SKAP1: variants seen among roughly 807,000 people sequenced by gnomAD.
SKAP1 encodes the protein src kinase-associated phosphoprotein 1.
Under a neutral mutation model 58.5 loss-of-function variants are expected in SKAP1, and 44 were observed. That is an observed-to-expected ratio of 0.75 (90% CI 0.59 to 0.97). SKAP1 has a LOEUF of 0.97. Ranked by LOEUF, SKAP1 falls within the 50% of genes least tolerant of loss-of-function variation. SKAP1 has a pLI of 0.00. For synonymous variants in SKAP1, 127 were observed against 149.7 expected (o/e 0.85, Z 1.11); for missense variants, 390 against 435.2 (o/e 0.90, Z 0.92).
chr17:48,238,174 A>G (rs1430798543), intron 4 of SKAP1, among the ~76,000 whole-genome samples: 2 of 151,950 alleles, frequency 1.3e-5, no homozygotes, highest in Non-Finnish European at 2.9e-5. Flanking sequence ...TTGTATTTTT[A>G]GTAGAGACAT....
chr17:48,403,739 C>T (rs532358516), intron 1 of SKAP1, among the ~76,000 whole-genome samples: 1 of 152,214 alleles, frequency 6.6e-6, no homozygotes, highest in South Asian at 2.1e-4. Context: ...AGTATATGTT[C>T]TGATCCACAA....
chr17:48,220,669 C>T (rs575631594), intron 4 of SKAP1, among the ~76,000 whole-genome samples: 34 of 151,032 alleles, frequency 2.3e-4, no homozygotes, highest in African/African-American at 8.3e-4. Flanking sequence ...CCAGCATGGC[C>T]AACATGGTGG....
At chr17:48,430,225 C>G, upstream of SKAP1, 2 of 603,352 alleles carry the variant, frequency 3.3e-6, no homozygotes, top group Non-Finnish European at 4.3e-6. Context: ...ACCTCAGCCG[C>G]GGTCGCCGCC....
intron 4 of SKAP1, among the ~76,000 whole-genome samples, chr17:48,324,655 A>G (rs768968427): frequency 7.2e-5 from 11 of 152,104 alleles, no homozygotes; most frequent in South Asian, 2.1e-4. Flanking sequence ...GTTGCATGGT[A>G]GTAGCTCAGG....
At chr17:48,266,425 C>A (rs1351641915) in intron 4 of SKAP1, among the ~76,000 whole-genome samples, 1 of 151,948 alleles carries the variant, frequency 6.6e-6, no homozygotes, top group Non-Finnish European at 1.5e-5. Flanking sequence ...CTATTGAAAC[C>A]GTTAGTTCAA....
At chr17:48,185,539 A>G (rs773754672) in intron 6 of SKAP1, among the ~76,000 whole-genome samples, 1 of 152,192 alleles carries the variant, frequency 6.6e-6, no homozygotes, top group African/African-American at 2.4e-5. Context: ...ACAGAAAAAG[A>G]GGAGGTGACT....
At chr17:48,321,538 C>T (rs1312440857) in intron 4 of SKAP1, among the ~76,000 whole-genome samples, 1 of 152,022 alleles carries the variant, frequency 6.6e-6, no homozygotes, top group South Asian at 2.1e-4. Flanking sequence ...CCGCCACGCC[C>T]GGCTAATTTT....
At chr17:48,259,521 A>C (rs2065463751) in intron 4 of SKAP1, among the ~76,000 whole-genome samples, 1 of 152,170 alleles carries the variant, frequency 6.6e-6, no homozygotes, top group African/African-American at 2.4e-5. Context: ...TCATGAATGC[A>C]TTATATAATG....
chr17:48,347,534 C>T (rs1509637), intron 3 of SKAP1, among the ~76,000 whole-genome samples: 4,290 of 152,098 alleles, frequency 0.028, 104 homozygotes, highest in Non-Finnish European at 0.041. Flanking sequence ...GGTAGATGTC[C>T]ATAACTGAGT....
intron 4 of SKAP1, among the ~76,000 whole-genome samples, chr17:48,290,355 T>G (rs2065884659): frequency 6.6e-6 from 1 of 152,202 alleles, no homozygotes; most frequent in Non-Finnish European, 1.5e-5. Flanking sequence ...AAGCCAATAA[T>G]CTAAGCTTAC....
chr17:48,405,418 T>C (rs527956437), intron 1 of SKAP1, among the ~76,000 whole-genome samples: 2 of 79,442 alleles, frequency 2.5e-5, no homozygotes, highest in African/African-American at 1.0e-4. Flanking sequence ...TCTTTCTTTC[T>C]TTCTTTCTTT....
At chr17:48,156,453 C>T (rs749572635) in intron 11 of SKAP1, 8 of 528,378 alleles carry the variant, frequency 1.5e-5, no homozygotes, top group Non-Finnish European at 3.1e-5. Context: ...AATCTGGAGC[C>T]ACTGAAGAGC....
At chr17:48,280,289 G>T (rs1331969536) in intron 4 of SKAP1, among the ~76,000 whole-genome samples, 1 of 152,094 alleles carries the variant, frequency 6.6e-6, no homozygotes, top group Non-Finnish European at 1.5e-5. Flanking sequence ...GTACAACATG[G>T]TGAAACGCCG....
At chr17:48,212,870 G>C (rs1459618445) in intron 4 of SKAP1, among the ~76,000 whole-genome samples, 1 of 152,182 alleles carries the variant, frequency 6.6e-6, no homozygotes, top group African/African-American at 2.4e-5. Flanking sequence ...GGAGACGAAG[G>C]TGACCTGGTG....
At chr17:48,261,883 G>A (rs1469282780) in intron 4 of SKAP1, among the ~76,000 whole-genome samples, 3 of 151,896 alleles carry the variant, frequency 2.0e-5, no homozygotes, top group Non-Finnish European at 2.9e-5. Flanking sequence ...TCCCCTGAGA[G>A]AGAAAAATCT....
At chr17:48,343,138 G>A (rs887705907) in intron 4 of SKAP1, among the ~76,000 whole-genome samples, 1 of 152,110 alleles carries the variant, frequency 6.6e-6, no homozygotes, top group South Asian at 2.1e-4. Flanking sequence ...GGCAGGGACT[G>A]TATCTGCTTT....
rs929203237 is a variant in SKAP1, at chr17:48,336,791, T to C, written c.280+9114A>G. Among the ~76,000 whole-genome samples the C allele has an allele frequency of 2.6e-5, 4 of 152,180 alleles. No individual in the cohort carries two copies. In the East Asian group the frequency reaches 7.7e-4, roughly 29 times the overall value. ...ATTTTTTTCCCCTAAGCTCTGACAA[T>C]CTCTAGGTTCAACTGTATTCTTGGG... On this transcript the variant is annotated intron_variant, in intron 4 of 12. Coordinates refer to ENST00000336915, the MANE Select transcript of SKAP1 (RefSeq NM_003726.4).
chr17:48,300,628 GA>G (rs1343286208), intron 4 of SKAP1, among the ~76,000 whole-genome samples: 1 of 152,146 alleles, frequency 6.6e-6, no homozygotes, highest in South Asian at 2.1e-4. Context: ...AAGTGGATCA[GA>G]ATCTTTTAGC....
At chr17:48,423,335 G>T (rs1324574967) in intron 1 of SKAP1, among the ~76,000 whole-genome samples, 2 of 152,294 alleles carry the variant, frequency 1.3e-5, no homozygotes, top group African/African-American at 4.8e-5. Context: ...GTTGAGGGGA[G>T]GTTGAAGGAA....
Sources: allele counts gnomAD v4.1 joint callset (sites outside exome capture counted in the v4.1 genomes callset), GRCh38; gene constraint gnomAD v4.1.1; transcripts MANE v1.5; gene names NCBI Gene and HGNC (gene_info 2026-07-23, HGNC 2026-07-21).